The following MYO5B variants were observed in gnomAD, a reference collection of about 807,000 sequenced individuals.
MYO5B encodes the protein unconventional myosin-Vb.
In MYO5B, 143 loss-of-function variants were observed where a neutral mutation model predicts 229.3. That is an observed-to-expected ratio of 0.62 (90% CI 0.54 to 0.72). MYO5B has a LOEUF of 0.72. MYO5B is among the 30% of genes least tolerant of loss of function. The probability of loss-of-function intolerance (pLI) is 0.00; values close to 1 mark genes in which losing one functional copy is unlikely to be tolerated. For missense variants in MYO5B, 2,321 were observed against 2,331.0 expected (o/e 1.00, Z 0.09); for synonymous variants, 918 against 885.2 (o/e 1.04, Z -0.66).
intron 17 of MYO5B, among the ~76,000 whole-genome samples, chr18:49,915,045 T>C (rs2024997749): frequency 6.6e-6 from 1 of 152,154 alleles, no homozygotes. Flanking sequence ...CAAACGCTTT[T>C]CCTGGTCTGG....
chr18:50,186,309 G>C (rs1303022240), intron 1 of MYO5B, among the ~76,000 whole-genome samples: 1 of 152,198 alleles, frequency 6.6e-6, no homozygotes, highest in East Asian at 1.9e-4. Context: ...TGAGACTACA[G>C]AGCTTTTGTC....
chr18:49,884,269 C>T (rs1598855894), intron 22 of MYO5B, among the ~76,000 whole-genome samples: 1 of 152,274 alleles, frequency 6.6e-6, no homozygotes, highest in East Asian at 1.9e-4. Flanking sequence ...CACCAGAGAT[C>T]AGTTTGATGG....
intron 39 of MYO5B, among the ~76,000 whole-genome samples, chr18:49,833,359 A>C (rs2023946869): frequency 6.6e-6 from 1 of 152,236 alleles, no homozygotes; most frequent in South Asian, 2.1e-4. Flanking sequence ...CACACATGTG[A>C]GTTCAAATGT....
chr18:49,983,775 A>G (rs1436293026), intron 8 of MYO5B, among the ~76,000 whole-genome samples: 1 of 152,164 alleles, frequency 6.6e-6, no homozygotes, highest in Non-Finnish European at 1.5e-5. Context: ...TGAACTATGT[A>G]CCAGTTTCCC....
At chr18:50,144,558 T>C (rs1232924283) in intron 1 of MYO5B, among the ~76,000 whole-genome samples, 1 of 152,114 alleles carries the variant, frequency 6.6e-6, no homozygotes, top group Non-Finnish European at 1.5e-5. Flanking sequence ...TGGAAGATGC[T>C]CTCCATGAGC....
chr18:50,010,570 T>A (rs2026150989), intron 4 of MYO5B, among the ~76,000 whole-genome samples: 1 of 152,262 alleles, frequency 6.6e-6, no homozygotes, highest in South Asian at 2.1e-4. Flanking sequence ...ATGGGAGCTG[T>A]ATGATACATT....
Position 49,903,012 on chromosome 18 carries a change from G to A in MYO5B, c.2572-179C>T, listed in dbSNP as rs542847346. The stretch of plus-strand genomic sequence containing the variant: ...TGGTTGTTTTATAACACATTTCAGC[G>A]AGGTTCTGCGCCTACATATCCACAG... On this transcript the variant is annotated intron_variant, in intron 20 of 39. Transcript: ENST00000285039. 3.1e-4 allele frequency among the ~76,000 whole-genome samples: 47 copies of A among 152,322 alleles called. No homozygotes were observed. In the South Asian group the frequency reaches 8.9e-3, roughly 29 times the overall value.
chr18:49,886,558 T>G (rs1343174001), intron 22 of MYO5B, among the ~76,000 whole-genome samples: 2 of 152,040 alleles, frequency 1.3e-5, no homozygotes, highest in African/African-American at 4.8e-5. Flanking sequence ...CAACAGGAGG[T>G]CAAATCAGAT....
chr18:50,055,636 G>A (rs998965151), intron 1 of MYO5B, among the ~76,000 whole-genome samples: 1 of 152,134 alleles, frequency 6.6e-6, no homozygotes, highest in Non-Finnish European at 1.5e-5. Flanking sequence ...CTACCCAAGA[G>A]ACTGTTGAGC....
chr18:50,193,151 G>C (rs939850137), intron 1 of MYO5B, among the ~76,000 whole-genome samples: 1 of 152,194 alleles, frequency 6.6e-6, no homozygotes, highest in Admixed American at 6.5e-5. Flanking sequence ...AAACCTAACC[G>C]GCTTCAGTGA....
At chr18:50,149,764 C>T (rs1421169134) in intron 1 of MYO5B, among the ~76,000 whole-genome samples, 1 of 152,112 alleles carries the variant, frequency 6.6e-6, no homozygotes, top group Non-Finnish European at 1.5e-5. Context: ...CCATTCAGGA[C>T]ACAGGCACGG....
At chr18:49,978,751 C>T (rs2025782260) in intron 9 of MYO5B, among the ~76,000 whole-genome samples, 1 of 137,396 alleles carries the variant, frequency 7.3e-6, no homozygotes, top group Non-Finnish European at 1.6e-5. Context: ...ACACAAAATG[C>T]TCAGCCCCAC....
chr18:50,037,671 A>G (rs1217408427), intron 3 of MYO5B, among the ~76,000 whole-genome samples: 1 of 152,186 alleles, frequency 6.6e-6, no homozygotes, highest in East Asian at 1.9e-4. Flanking sequence ...ATGCTGAGGC[A>G]GGAGAATCGC....
intron 1 of MYO5B, among the ~76,000 whole-genome samples, chr18:50,156,511 T>C (rs2032681462): frequency 6.6e-6 from 1 of 152,168 alleles, no homozygotes; most frequent in Admixed American, 6.5e-5. Flanking sequence ...AAGCACGTGT[T>C]TGCTTCCCCT....
chr18:49,880,532 T>C (rs1375708345), intron 22 of MYO5B, 77 bp from the exon 23 acceptor site: 20 of 1,140,144 alleles, frequency 1.8e-5, no homozygotes, highest in Admixed American at 1.0e-4. Context: ...ATTTGAATTT[T>C]AACTGGATAC....
intron 35 of MYO5B, 84 bp downstream of exon 35, chr18:49,841,281 T>C (rs2024054003): frequency 1.5e-6 from 2 of 1,297,008 alleles, no homozygotes; most frequent in East Asian, 4.6e-5. Context: ...AAGACCCCAC[T>C]GACCTCTGAG....
At position 49,885,369 on chromosome 18, in the gene MYO5B, C is replaced by A. The variant is rs552814147; in HGVS notation, c.3046-4914G>T. ...TAATTGGTGACTACTGGGATTGCAACCTAGGAGATGACCACGTGGAGCAGA... is the reference window on the plus strand; with the variant it reads ...TAATTGGTGACTACTGGGATTGCAAACTAGGAGATGACCACGTGGAGCAGA... On this transcript the variant is annotated intron_variant, in intron 22 of 39. Transcript: ENST00000285039. Among the ~76,000 whole-genome samples the A allele has an allele frequency of 3.3e-5, 5 of 152,198 alleles. No homozygotes were observed. In the South Asian group the frequency reaches 1.0e-3, roughly 32 times the overall value.
At chr18:49,929,650 C>T in intron 16 of MYO5B, 52 bp from the exon 17 acceptor site, 1 of 1,474,828 alleles carries the variant, frequency 6.8e-7, no homozygotes, top group Non-Finnish European at 9.3e-7. Flanking sequence ...TGAGTGGCCA[C>T]ATTTGCAAAA....
chr18:50,187,990 C>CCA (rs1341562023), intron 1 of MYO5B, among the ~76,000 whole-genome samples: 1 of 152,154 alleles, frequency 6.6e-6, no homozygotes, highest in Non-Finnish European at 1.5e-5. Context: ...GCTTTATAGA[C>CCA]CAGTTAGTAG....
Sources: allele counts gnomAD v4.1 joint callset (sites outside exome capture counted in the v4.1 genomes callset), GRCh38; gene constraint gnomAD v4.1.1; transcripts MANE v1.5; gene names NCBI Gene and HGNC (gene_info 2026-07-23, HGNC 2026-07-21).